Variants in RNF150 observed in about 807,000 individuals in gnomAD.
The protein encoded by RNF150 is ring finger protein 150.
In RNF150, 24 loss-of-function variants were observed where a neutral mutation model predicts 39.3. The ratio of observed to expected loss-of-function variants is 0.61; its 90% CI spans 0.44 to 0.86. The LOEUF (loss-of-function observed/expected upper bound fraction) is 0.86. Ranked by LOEUF, RNF150 falls within the 40% of genes least tolerant of loss-of-function variation. RNF150 has a pLI of 0.00. For synonymous variants in RNF150, 255 were observed against 227.3 expected, an observed-to-expected ratio of 1.12 and a Z score of -1.10; for missense variants, 502 against 587.8, an observed-to-expected ratio of 0.85 and a Z score of 1.51.
rs576241635 is a variant in RNF150 at position 141,092,086 on chromosome 4, G to A, written c.484+40239C>T. Among the ~76,000 whole-genome samples, 3 of 152,302 alleles carry A rather than the reference G, an allele frequency of 2.0e-5. No individual in the cohort carries two copies. The South Asian group carries it at 6.2e-4, about 32-fold the overall frequency. ...TGGCCAGGTGCAGTGGCTCATGCCTGTAATCCCAGCACTTTGGGAGGCTGA... is the reference window on the plus strand; with the variant it reads ...TGGCCAGGTGCAGTGGCTCATGCCTATAATCCCAGCACTTTGGGAGGCTGA... On this transcript the variant is annotated intron_variant, in intron 1 of 6. Transcript: ENST00000515673.
chr4:140,951,034 A>G (rs1732519741), intron 2 of RNF150, among the ~76,000 whole-genome samples: 1 of 152,142 alleles, frequency 6.6e-6, no homozygotes. Flanking sequence ...TGAACTAAAC[A>G]TGACGGAACT....
chr4:141,010,853 G>A (rs931986909), intron 1 of RNF150, among the ~76,000 whole-genome samples: 1 of 152,058 alleles, frequency 6.6e-6, no homozygotes, highest in Non-Finnish European at 1.5e-5. Context: ...AGAAGTCTGC[G>A]GGTTCTGCAT....
intron 1 of RNF150, among the ~76,000 whole-genome samples, chr4:141,200,608 C>T (rs745653591): frequency 6.6e-5 from 10 of 152,174 alleles, no homozygotes; most frequent in Non-Finnish European, 1.3e-4. Context: ...AAGACTCCAC[C>T]TCCTAATACT....
At chr4:141,077,245 A>T (rs1737929581) in intron 1 of RNF150, among the ~76,000 whole-genome samples, 1 of 152,236 alleles carries the variant, frequency 6.6e-6, no homozygotes, top group Non-Finnish European at 1.5e-5. Context: ...CCCAAAGTGG[A>T]ATCAACAAAT....
intron 1 of RNF150, among the ~76,000 whole-genome samples, chr4:141,088,533 G>T (rs932675356): frequency 6.6e-6 from 1 of 152,096 alleles, no homozygotes; most frequent in African/African-American, 2.4e-5. Flanking sequence ...CATTTAAAAA[G>T]TAAAATAAAG....
At position 141,053,688 on chromosome 4, in the gene RNF150, T is replaced by C. The variant is rs1441559380; in HGVS notation, c.484+78637A>G. The stretch of plus-strand genomic sequence containing the variant: ...TACCTGAGGAAAGGGAATATGGGCA[T>C]GGTGAAATCAGCTTCAGGGGCTGGG... On this transcript the variant is annotated intron_variant, in intron 1 of 6. Transcript: ENST00000515673. 10 of 1,407,938 alleles carry C rather than the reference T, an allele frequency of 7.1e-6. No homozygotes were observed. In the Admixed American group the frequency reaches 2.4e-4, roughly 34 times the overall value. 87.2% of individuals were successfully genotyped at this position (1,407,938 alleles called of 1,614,324 possible). A position where few individuals can be genotyped will look rare whatever the true frequency, so the allele number is the denominator to read the frequency against.
At chr4:141,100,003 GAC>G (rs1738950399) in intron 1 of RNF150, among the ~76,000 whole-genome samples, 1 of 152,144 alleles carries the variant, frequency 6.6e-6, no homozygotes, top group South Asian at 2.1e-4. Flanking sequence ...GTGTGAAAGA[GAC>G]ATCGCAAAAG....
intron 1 of RNF150, among the ~76,000 whole-genome samples, chr4:141,089,804 TCTTA>T (rs1426021126): frequency 1.3e-5 from 2 of 152,214 alleles, no homozygotes; most frequent in Non-Finnish European, 2.9e-5. Context: ...CTTGTCAAAC[TCTTA>T]CTTTCGTTCT....
At chr4:141,204,819 T>C (rs927518850) in intron 1 of RNF150, among the ~76,000 whole-genome samples, 14 of 152,220 alleles carry the variant, frequency 9.2e-5, no homozygotes, top group Non-Finnish European at 1.9e-4. Context: ...TGTTAATAAG[T>C]ATTTTGAGGG....
At chr4:141,193,365 G>C (rs77777003) in intron 1 of RNF150, among the ~76,000 whole-genome samples, 1,665 of 152,310 alleles carry the variant, frequency 0.011, 36 homozygotes, top group African/African-American at 0.037. Context: ...GCCCAATCTT[G>C]GGCTTAACCT....
intron 1 of RNF150, among the ~76,000 whole-genome samples, chr4:141,012,594 C>A (rs564749705): frequency 1.6e-4 from 25 of 151,796 alleles, no homozygotes; most frequent in Non-Finnish European, 3.2e-4. Flanking sequence ...GCAGGCAGAT[C>A]ATGAGGTCAA....
chr4:140,915,037 T>C (rs1390026184), intron 5 of RNF150, among the ~76,000 whole-genome samples: 2 of 152,194 alleles, frequency 1.3e-5, no homozygotes, highest in African/African-American at 4.8e-5. Context: ...TGTTTGCGAG[T>C]TGATACTATT....
At chr4:141,091,454 G>A (rs1035828993) in intron 1 of RNF150, among the ~76,000 whole-genome samples, 1 of 152,170 alleles carries the variant, frequency 6.6e-6, no homozygotes, top group Non-Finnish European at 1.5e-5. Flanking sequence ...CCTTGTGTCT[G>A]AGGTCCAAGG....
At chr4:141,175,526 A>G (rs1361263302) in intron 1 of RNF150, among the ~76,000 whole-genome samples, 3 of 152,184 alleles carry the variant, frequency 2.0e-5, no homozygotes, top group Admixed American at 2.0e-4. Flanking sequence ...CCAATTCTAC[A>G]TTGTTTCTAA....
At chr4:141,058,439 G>C (rs1453668455) in intron 1 of RNF150, among the ~76,000 whole-genome samples, 1 of 152,024 alleles carries the variant, frequency 6.6e-6, no homozygotes, top group East Asian at 1.9e-4. Context: ...TTGATTTTTA[G>C]TCTGCCTTTT....
intron 1 of RNF150, among the ~76,000 whole-genome samples, chr4:141,153,140 C>T (rs1350826662): frequency 6.6e-6 from 1 of 152,084 alleles, no homozygotes; most frequent in Admixed American, 6.5e-5. Flanking sequence ...AGTATATTGT[C>T]ATTAAAGATG....
intron 1 of RNF150, among the ~76,000 whole-genome samples, chr4:140,993,927 A>G (rs1298093315): frequency 6.6e-6 from 1 of 152,142 alleles, no homozygotes; most frequent in African/African-American, 2.4e-5. Flanking sequence ...AGGATGGGGG[A>G]CCTGGTACAT....
At chr4:140,940,680 T>C (rs1271451395) in intron 4 of RNF150, among the ~76,000 whole-genome samples, 2 of 152,214 alleles carry the variant, frequency 1.3e-5, no homozygotes, top group South Asian at 4.1e-4. Context: ...GGTTTATAAA[T>C]GATGCCATGG....
intron 1 of RNF150, among the ~76,000 whole-genome samples, chr4:141,127,932 G>T (rs896963183): frequency 6.6e-6 from 1 of 152,134 alleles, no homozygotes; most frequent in Non-Finnish European, 1.5e-5. Context: ...TATCATACAT[G>T]CCCTTGCTAC....
Sources: gnomAD v4.1 joint callset for allele counts (sites outside exome capture counted in the v4.1 genomes callset) on GRCh38, gnomAD v4.1.1 for gene constraint, MANE v1.5 for transcripts, NCBI Gene and HGNC (gene_info 2026-07-23, HGNC 2026-07-21) for gene names.